Variants in EYS observed in about 807,000 individuals in gnomAD.
EYS encodes protein eyes shut homolog.
In EYS, 250 loss-of-function variants were observed where a neutral mutation model predicts 282.1. The observed-to-expected ratio is 0.89, with a 90% confidence interval of 0.80 to 0.98. EYS has a LOEUF of 0.98. Among genes scored for constraint, EYS ranks in the 50% least tolerant of loss-of-function variants. EYS has a pLI of 0.00. For missense variants in EYS, 4,016 were observed against 3,709.0 expected, an observed-to-expected ratio of 1.08 and a Z score of -2.15; for synonymous variants, 1,355 against 1,282.9, an observed-to-expected ratio of 1.06 and a Z score of -1.20.
chr6:65,130,643 C>T (rs1158679679), intron 12 of EYS, among the ~76,000 whole-genome samples: 1 of 151,378 alleles, frequency 6.6e-6, no homozygotes, highest in Non-Finnish European at 1.5e-5. Context: ...CACAGGGGGC[C>T]TATCAGAGGG....
chr6:64,927,022 C>G (rs1479469727), intron 15 of EYS, among the ~76,000 whole-genome samples: 1 of 152,116 alleles, frequency 6.6e-6, no homozygotes, highest in Non-Finnish European at 1.5e-5. Context: ...TAGTATAGGA[C>G]ATTGGGAAAC....
At chr6:65,622,654 C>T (rs1262273453) in intron 2 of EYS, among the ~76,000 whole-genome samples, 2 of 151,952 alleles carry the variant, frequency 1.3e-5, no homozygotes, top group Non-Finnish European at 2.9e-5. Flanking sequence ...AAACGTACTT[C>T]AAAGCAGACT....
intron 1 of EYS, among the ~76,000 whole-genome samples, chr6:65,660,171 T>C (rs1767956282): frequency 6.6e-6 from 1 of 151,772 alleles, no homozygotes; most frequent in African/African-American, 2.4e-5. Flanking sequence ...TGTGCAAATG[T>C]AAAAAATCAT....
chr6:65,661,824 AAT>A lies in EYS; in HGVS notation c.-447-21934_-447-21933del, dbSNP rs1768010421. On this transcript the variant is annotated intron_variant, in intron 1 of 42. Transcript: ENST00000503581. The stretch of plus-strand genomic sequence containing the variant: ...ACAGTCTGGTTTGGTTAGAGAATAG[AAT>A]ACAAAATGGCAGCTATTCTTGGAAA... Among the ~76,000 whole-genome samples, 9 of 152,258 alleles carry A rather than the reference AAT, an allele frequency of 5.9e-5. No homozygotes were observed. The South Asian group carries it at 1.9e-3, about 31-fold the overall frequency.
intron 14 of EYS, among the ~76,000 whole-genome samples, chr6:64,968,041 A>T (rs1207640478): frequency 1.3e-5 from 2 of 152,220 alleles, no homozygotes; most frequent in Non-Finnish European, 1.5e-5. Context: ...CTTCAGAGGC[A>T]AGTGAAATGA....
chr6:63,806,257 A>T lies in EYS; in HGVS notation c.7344T>A (p.Phe2448Leu). 4 of 1,551,654 alleles carry T rather than the reference A, an allele frequency of 2.6e-6. No individual in the cohort carries two copies. Among genetic ancestry groups the T allele is most frequent in the Non-Finnish European group, 3.5e-6 (4 of 1,146,932 alleles). The change falls in exon 37 of 43, where the codon TTT becomes TTA. Residue 2448 changes from phenylalanine to leucine, a missense_variant. Transcript: ENST00000503581. ...ISFHYEFHLKFQLANNHSALQ... is the reference protein window; with the variant it reads ...ISFHYEFHLKLQLANNHSALQ... ...GTGCTGAGTGGTTGTTTGCCAGCTG[A>T]AACTTCAGGTGGAATTCATAATGGA... is the stretch of plus-strand genomic sequence containing the variant.
chr6:63,736,593 C>T, intron 41 of EYS, among the ~76,000 whole-genome samples: 1 of 152,056 alleles, frequency 6.6e-6, no homozygotes. Context: ...TCCATATGAA[C>T]TTTAAAGTAG....
At chr6:63,730,412 T>A (rs1489279303) in intron 41 of EYS, among the ~76,000 whole-genome samples, 1 of 152,324 alleles carries the variant, frequency 6.6e-6, no homozygotes, top group East Asian at 1.9e-4. Flanking sequence ...AAAATGCAGA[T>A]TCTTTACCAT....
chr6:65,659,722 C>A lies in EYS; in HGVS notation c.-447-19830G>T, dbSNP rs889071932. 5.3e-5 allele frequency among the ~76,000 whole-genome samples: 8 copies of A among 151,700 alleles called. No individual in the cohort carries two copies. The East Asian group carries it at 1.5e-3, about 29-fold the overall frequency. ...CTTTCTATTTCTTTTTTTTGACACA[C>A]AAACATTAGAATTTTCAAACAAATT... On this transcript the variant is annotated intron_variant, in intron 1 of 42. Transcript: ENST00000503581.
At chr6:64,634,761 C>T (rs1767914304) in intron 22 of EYS, among the ~76,000 whole-genome samples, 2 of 152,176 alleles carry the variant, frequency 1.3e-5, no homozygotes, top group Admixed American at 6.5e-5. Flanking sequence ...ATTCAAACTA[C>T]ACTGAGAACT....
At chr6:64,424,082 T>C (rs9444812) in intron 28 of EYS, among the ~76,000 whole-genome samples, 3,628 of 152,290 alleles carry the variant, frequency 0.024, 76 homozygotes, top group African/African-American at 0.06. Flanking sequence ...TCTTCAATAA[T>C]TAACATAACA....
At chr6:64,632,978 A>C (rs1000744471) in intron 22 of EYS, among the ~76,000 whole-genome samples, 3 of 152,192 alleles carry the variant, frequency 2.0e-5, no homozygotes, top group Non-Finnish European at 4.4e-5. Flanking sequence ...TGTGTAATTT[A>C]ATTTTATTAT....
intron 36 of EYS, among the ~76,000 whole-genome samples, chr6:63,819,818 A>G (rs1030385259): frequency 2.0e-5 from 3 of 152,012 alleles, no homozygotes; most frequent in African/African-American, 7.2e-5. Context: ...AGAAAATCCA[A>G]ATCCAGAACA....
At chr6:64,236,498 A>G (rs13205634) in intron 30 of EYS, among the ~76,000 whole-genome samples, 48,167 of 151,926 alleles carry the variant, frequency 0.32, 7,635 homozygotes, top group East Asian at 0.51. Context: ...GCAACTGCCA[A>G]ACTATTTTCC....
intron 33 of EYS, among the ~76,000 whole-genome samples, chr6:64,012,365 T>G (rs1582130184): frequency 6.6e-6 from 1 of 152,128 alleles, no homozygotes; most frequent in East Asian, 1.9e-4. Flanking sequence ...AGCTGACTAG[T>G]GACAGCTCTA....
chr6:65,180,124 C>T (rs1426769693), intron 12 of EYS, among the ~76,000 whole-genome samples: 1 of 151,942 alleles, frequency 6.6e-6, no homozygotes, highest in Non-Finnish European at 1.5e-5. Flanking sequence ...AAACTGGAAG[C>T]ATTCCCTTTG....
chr6:64,405,720 C>T (rs1773685900), intron 28 of EYS, among the ~76,000 whole-genome samples: 1 of 152,066 alleles, frequency 6.6e-6, no homozygotes, highest in Non-Finnish European at 1.5e-5. Flanking sequence ...GGTGAACTCC[C>T]TTTCACAATT....
intron 31 of EYS, among the ~76,000 whole-genome samples, chr6:64,183,158 TGAA>T (rs1764837083): frequency 6.6e-6 from 1 of 152,158 alleles, no homozygotes; most frequent in Non-Finnish European, 1.5e-5. Context: ...TGCCACGATG[TGAA>T]GAAGGACATG....
At chr6:64,768,756 A>G (rs1257162299) in intron 22 of EYS, among the ~76,000 whole-genome samples, 1 of 152,086 alleles carries the variant, frequency 6.6e-6, no homozygotes, top group Non-Finnish European at 1.5e-5. Context: ...TTTTCCATGA[A>G]CCACCTCAAT....
Sources: allele counts gnomAD v4.1 joint callset (sites outside exome capture counted in the v4.1 genomes callset), GRCh38; gene constraint gnomAD v4.1.1; transcripts MANE v1.5; gene names NCBI Gene and HGNC (gene_info 2026-07-23, HGNC 2026-07-21).